Variants in TMEM14B observed in about 807,000 individuals in gnomAD.
The protein encoded by TMEM14B is transmembrane protein 14B.
A neutral mutation model predicts 14.8 loss-of-function variants in TMEM14B; 9 were observed. The ratio of observed to expected loss-of-function variants is 0.61; its 90% CI spans 0.37 to 1.06. The LOEUF is 1.06. Ranked by LOEUF, TMEM14B falls within the 50% of genes least tolerant of loss-of-function variation. TMEM14B has a pLI of 0.01. For missense variants in TMEM14B, 128 were observed against 143.6 expected (o/e 0.89, Z 0.56); for synonymous variants, 40 against 51.3 (o/e 0.78, Z 0.94).
downstream of TMEM14B, among the ~76,000 whole-genome samples, chr6:10,757,499 AAG>A (rs1771847329): frequency 6.6e-6 from 1 of 152,114 alleles, no homozygotes; most frequent in African/African-American, 2.4e-5. Flanking sequence ...AGAAGAAAAA[AAG>A]TGGTTTTTTT....
chr6:10,755,082 C>A lies in TMEM14B; in HGVS notation c.203-60C>A, dbSNP rs2127496547. ...TGAGAGATTGGTGGGGCTTGGTCTACTTCTGATTCCCCTGCGTAGAAGACT... is the reference window on the plus strand; with the variant it reads ...TGAGAGATTGGTGGGGCTTGGTCTAATTCTGATTCCCCTGCGTAGAAGACT... On this transcript the variant is annotated intron_variant, in intron 4 of 5. Transcript: ENST00000379542. 2.5e-6 allele frequency: 4 copies of A among 1,578,620 alleles called. No individual in the cohort carries two copies. In the Admixed American group the frequency reaches 5.1e-5, roughly 20 times the overall value.
At chr6:10,757,085 ATT>A, downstream of TMEM14B, 1 of 752,028 alleles carries the variant, frequency 1.3e-6, no homozygotes, top group Non-Finnish European at 1.6e-6. Context: ...GAAATTACCT[ATT>A]TTGAGTAATT....
intron 4 of TMEM14B, among the ~76,000 whole-genome samples, chr6:10,753,249 T>C (rs957027501): frequency 2.0e-5 from 3 of 151,856 alleles, no homozygotes; most frequent in African/African-American, 7.3e-5. Flanking sequence ...AAAATAAAGA[T>C]CATTTATGCC....
chr6:10,751,378 G>A, intron 4 of TMEM14B, 144 bp downstream of exon 4: 1 of 879,180 alleles, frequency 1.1e-6, no homozygotes, highest in Non-Finnish European at 1.7e-6. Context: ...AGTCCTCAAA[G>A]TTTTAAAATA....
intron 4 of TMEM14B, among the ~76,000 whole-genome samples, chr6:10,753,595 A>T (rs1396612197): frequency 6.6e-6 from 1 of 151,670 alleles, no homozygotes; most frequent in Non-Finnish European, 1.5e-5. Context: ...TACACAAATG[A>T]CACAAATTTC....
rs1468265830 is a variant in TMEM14B, at chr6:10,756,780, T to C, written c.*262T>C. On this transcript the variant is annotated 3_prime_UTR_variant, in exon 6 of 6. Coordinates refer to ENST00000379542, the MANE Select transcript of TMEM14B (RefSeq NM_030969.5). The stretch of plus-strand genomic sequence containing the variant: ...TATTGATTTTATCTCTTTCTGTATC[T>C]ATAGGTAAATCTCAAGGGTAAAATG... The C allele has an allele frequency of 9.2e-7, 1 of 1,083,688 alleles. No homozygotes were observed. The highest frequency in any genetic ancestry group is 1.7e-5 in the African/African-American group (1 of 59,880). The allele number at this position is 1,083,688 out of a possible 1,614,324, so 67.1% of individuals were successfully genotyped here. A position where few individuals can be genotyped will look rare whatever the true frequency, so the allele number is the denominator to read the frequency against.
intron 4 of TMEM14B, among the ~76,000 whole-genome samples, chr6:10,754,332 G>A (rs982106582): frequency 2.0e-5 from 3 of 152,132 alleles, no homozygotes; most frequent in Non-Finnish European, 2.9e-5. Context: ...GGCCTTCAAG[G>A]CTCTATGTGG....
intron 4 of TMEM14B, among the ~76,000 whole-genome samples, chr6:10,754,911 G>A (rs776429625): frequency 3.3e-5 from 5 of 152,222 alleles, no homozygotes; most frequent in Non-Finnish European, 7.3e-5. Flanking sequence ...CAAGTGGTAA[G>A]AGATGAGGCT....
intron 4 of TMEM14B, among the ~76,000 whole-genome samples, chr6:10,754,539 A>G (rs948369476): frequency 2.0e-5 from 3 of 152,218 alleles, no homozygotes; most frequent in Non-Finnish European, 4.4e-5. Flanking sequence ...TTCCTTGGCT[A>G]AAAGCCTAGC....
chr6:10,751,033 G>T, intron 3 of TMEM14B, 100 bp from the exon 4 acceptor site: 1 of 1,428,640 alleles, frequency 7.0e-7, no homozygotes, highest in Non-Finnish European at 9.6e-7. Context: ...TGTGTTGAGA[G>T]TTCTTTGTGC....
chr6:10,755,544 CAT>C, intron 5 of TMEM14B: 1 of 1,343,462 alleles, frequency 7.4e-7, no homozygotes, highest in Non-Finnish European at 9.5e-7. Flanking sequence ...GTGGGGGTCC[CAT>C]ATTTCTTAGG....
chr6:10,756,045 A>ATACTC (rs1250720713), intron 5 of TMEM14B, among the ~76,000 whole-genome samples: 1 of 152,214 alleles, frequency 6.6e-6, no homozygotes, highest in Non-Finnish European at 1.5e-5. Flanking sequence ...GAAAGATTAC[A>ATACTC]TACTCTACTC....
downstream of TMEM14B, chr6:10,759,416 A>G (rs141697523): frequency 4.3e-4 from 65 of 152,278 alleles, no homozygotes; most frequent in African/African-American, 1.5e-3. Context: ...ATGGTGTACC[A>G]AGAAATATCC....
chr6:10,758,285 A>AT (rs1771872738), downstream of TMEM14B, among the ~76,000 whole-genome samples: 1 of 152,136 alleles, frequency 6.6e-6, no homozygotes, highest in Non-Finnish European at 1.5e-5. Flanking sequence ...AAGGGCACAC[A>AT]TTTTTGCCAC....
Sources: allele counts gnomAD v4.1 joint callset (sites outside exome capture counted in the v4.1 genomes callset), GRCh38; gene constraint gnomAD v4.1.1; transcripts MANE v1.5; gene names NCBI Gene and HGNC (gene_info 2026-07-23, HGNC 2026-07-21).